CACNA2D4: variants seen among roughly 807,000 people sequenced by gnomAD.
CACNA2D4 encodes the protein voltage-dependent calcium channel subunit alpha-2/delta-4.
In CACNA2D4, 157 loss-of-function variants were observed where a neutral mutation model predicts 163.8. The observed-to-expected ratio is 0.96, with a 90% CI of 0.84 to 1.09. The LOEUF (loss-of-function observed/expected upper bound fraction) is 1.09. CACNA2D4 is among the 50% of genes least tolerant of loss of function. The pLI is 0.00. For synonymous variants in CACNA2D4, 598 were observed against 586.9 expected (o/e 1.02, Z -0.27); for missense variants, 1,410 against 1,479.9 (o/e 0.95, Z 0.78).
Position 1,795,699 on chromosome 12 carries a change from T to C in CACNA2D4, c.3195A>G (p.Pro1065=). The change falls in exon 36 of 38, where the codon CCA becomes CCG. Residue 1065 remains proline (P), a synonymous_variant. Transcript: ENST00000382722. ...CTTCTGTCGCCTCCTGCAGCACTGGTGGGAAGATGCTGCAGTCACAGGTGG... is the reference window on the plus strand; with the variant it reads ...CTTCTGTCGCCTCCTGCAGCACTGGCGGGAAGATGCTGCAGTCACAGGTGG... The part of the protein sequence containing the change: ...TDPTCDCSIF[P]PVLQEATEVK... 1.2e-6 allele frequency: 2 copies of C among 1,611,780 alleles called. No homozygotes were observed.
intron 6 of CACNA2D4, among the ~76,000 whole-genome samples, chr12:1,900,961 C>G (rs1198572519): frequency 1.3e-5 from 2 of 152,098 alleles, no homozygotes; most frequent in East Asian, 3.8e-4. Context: ...GAAAATAAGT[C>G]TTAAAACATT....
At chr12:1,838,088 G>A (rs56852539) in intron 26 of CACNA2D4, among the ~76,000 whole-genome samples, 6,029 of 152,242 alleles carry the variant, frequency 0.04, 385 homozygotes, top group African/African-American at 0.13. Context: ...CTCATTCCTC[G>A]CCTAGGGCCT....
intron 36 of CACNA2D4, 76 bp from the exon 37 acceptor site, chr12:1,795,457 C>T (rs955817479): frequency 3.6e-6 from 5 of 1,396,824 alleles, no homozygotes; most frequent in African/African-American, 1.4e-5. Context: ...TCTGGAAGAA[C>T]CTGCTCTGGT....
At chr12:1,914,964 A>C (rs1269088453) in intron 1 of CACNA2D4, 29 bp from the exon 2 acceptor site, 3 of 1,462,896 alleles carry the variant, frequency 2.1e-6, no homozygotes. Flanking sequence ...ACACGCGTAT[A>C]CACACACGTA....
chr12:1,818,100 C>T (rs1212668327), intron 26 of CACNA2D4, among the ~76,000 whole-genome samples: 2 of 147,580 alleles, frequency 1.4e-5, no homozygotes, highest in South Asian at 2.1e-4. Flanking sequence ...CCCACCGCCC[C>T]GTCTGGGATG....
chr12:1,830,913 C>T, intron 26 of CACNA2D4: 3 of 1,569,992 alleles, frequency 1.9e-6, no homozygotes, highest in South Asian at 1.2e-5. Context: ...CTTTCTTTCC[C>T]CCGTCTGTCC....
At chr12:1,808,956 G>T (rs1216677119) in intron 29 of CACNA2D4, among the ~76,000 whole-genome samples, 1 of 152,196 alleles carries the variant, frequency 6.6e-6, no homozygotes, top group Non-Finnish European at 1.5e-5. Flanking sequence ...AGGTGACCGT[G>T]ATGCTCAATT....
At chr12:1,842,134 A>G (rs1317907517) in intron 25 of CACNA2D4, among the ~76,000 whole-genome samples, 2 of 152,172 alleles carry the variant, frequency 1.3e-5, no homozygotes, top group Non-Finnish European at 2.9e-5. Context: ...GTCTCTGGGG[A>G]CATCAGGGAT....
chr12:1,844,334 A>T lies in CACNA2D4; in HGVS notation c.2470+68T>A. 6.4e-7 allele frequency: 1 copy of T among 1,564,756 alleles called. No homozygotes were observed. Among genetic ancestry groups the T allele is most frequent in the South Asian group, 1.2e-5 (1 of 86,314 alleles). ...CTCGTTCCCATTTCCCACTAAGAGC[A>T]CAGCAGGAGGAGAGATGAGACTGGC... On this transcript the variant is annotated intron_variant, in intron 25 of 37. Coordinates refer to ENST00000382722, the MANE Select transcript of CACNA2D4 (RefSeq NM_172364.5). This position sits in a 1 kb window ranked among gnomAD's most constrained non-coding sequence, Gnocchi z 4.2.
rs1592726684 is a variant in CACNA2D4 at position 1,875,365 on chromosome 12, C to T, written c.1720-28G>A. The T allele has an allele frequency of 2.7e-6, 4 of 1,458,212 alleles. No homozygotes were observed. The highest frequency in any genetic ancestry group is 3.9e-6 in the Non-Finnish European group (4 of 1,038,014). The allele number at this position is 1,458,212 out of a possible 1,614,324, so 90.3% of individuals were successfully genotyped here. A position where few individuals can be genotyped will look rare whatever the true frequency, so the allele number is the denominator to read the frequency against. Reference sequence around the variant, plus strand: ...GGAGTGGGCAGGTCAGGAAGAAAAACATGTGGTCAGTATACGTCCTGCTCA... The same window carrying T: ...GGAGTGGGCAGGTCAGGAAGAAAAATATGTGGTCAGTATACGTCCTGCTCA... On this transcript the variant is annotated intron_variant, in intron 16 of 37. Transcript: ENST00000382722. This position sits in a 1 kb window ranked among gnomAD's most constrained non-coding sequence, Gnocchi z 4.0.
Position 1,829,693 on chromosome 12 carries a change from G to A in CACNA2D4, c.2551+11046C>T, listed in dbSNP as rs1864529982. Among the ~76,000 whole-genome samples the A allele has an allele frequency of 1.4e-5, 2 of 146,040 alleles. No individual in the cohort carries two copies. Among genetic ancestry groups the A allele is most frequent in the South Asian group, 2.4e-4 (1 of 4,160 alleles). ...TTCAGACCCAGCTCACAGCCCATCG[G>A]CCCACCCCGACCTGGGACAGCCAGG... On this transcript the variant is annotated intron_variant, in intron 26 of 37. Coordinates refer to ENST00000382722, the MANE Select transcript of CACNA2D4 (RefSeq NM_172364.5). This position sits in a 1 kb window ranked among gnomAD's most constrained non-coding sequence, Gnocchi z 4.2.
At chr12:1,794,878 C>T (rs547945455) in intron 37 of CACNA2D4, among the ~76,000 whole-genome samples, 16 of 152,258 alleles carry the variant, frequency 1.1e-4, no homozygotes, top group African/African-American at 3.9e-4. Flanking sequence ...AAGTCCCAAC[C>T]CTCTAATCCT....
intron 1 of CACNA2D4, 47 bp from the exon 2 acceptor site, chr12:1,914,982 A>G (rs1414168919): frequency 7.3e-7 from 1 of 1,367,468 alleles, no homozygotes; most frequent in Non-Finnish European, 1.0e-6. Context: ...GTACACGCAC[A>G]AATACAGAAA....
rs550017158 is a variant in CACNA2D4 at position 1,883,004 on chromosome 12, C to T, written c.1352-4G>A. ...GTTGAGATCTGCGTGTAGTAGCCTG[C>T]GGTGGGGAAGGCCGCGTGGGTGTGG... On this transcript the variant is annotated splice_polypyrimidine_tract_variant and splice_region_variant and intron_variant, in intron 12 of 37. Coordinates refer to ENST00000382722, the MANE Select transcript of CACNA2D4 (RefSeq NM_172364.5). The surrounding 1 kb of genome is among the most constrained non-coding windows in gnomAD (Gnocchi z 4.5). 52 of 1,611,640 alleles carry T rather than the reference C, an allele frequency of 3.2e-5. No homozygotes were observed. The South Asian group carries it at 5.3e-4, about 16-fold the overall frequency.
In CACNA2D4 at chr12:1,793,702, G is replaced by A. The variant is rs776654456; in HGVS notation, c.3367C>T (p.Leu1123=). The A allele has an allele frequency of 2.5e-6, 4 of 1,613,754 alleles. No individual in the cohort carries two copies. The East Asian group carries it at 8.9e-5, about 36-fold the overall frequency. Residue 1123 remains leucine (L), a synonymous_variant, in exon 38 of 38, where the codon CTG becomes TTG. Coordinates refer to ENST00000382722, the MANE Select transcript of CACNA2D4 (RefSeq NM_172364.5). ...AGCCCCCAGGCACACACAGGCAGCA[G>A]GAGTAGGGGCGGCGAGGCTGAGGTG... ...SDTSASPPLL[L]LPVCAWGLLP...
intron 18 of CACNA2D4, among the ~76,000 whole-genome samples, chr12:1,863,909 AAT>A (rs1491280976): frequency 7.7e-6 from 1 of 129,328 alleles, no homozygotes; most frequent in African/African-American, 3.3e-5. Context: ...AAAAAAAAAA[AAT>A]AATAACACCC....
rs1202528402 is a variant in CACNA2D4, at chr12:1,875,498, T to A, written c.1720-161A>T. Among the ~76,000 whole-genome samples, 1 of 152,200 alleles carries A rather than the reference T, an allele frequency of 6.6e-6. No individual in the cohort carries two copies. Among genetic ancestry groups the A allele is most frequent in the Non-Finnish European group, 1.5e-5 (1 of 68,024 alleles). On this transcript the variant is annotated intron_variant, in intron 16 of 37. Transcript: ENST00000382722. This position sits in a 1 kb window ranked among gnomAD's most constrained non-coding sequence, Gnocchi z 4.0. Reference sequence around the variant, plus strand: ...TAAGGTTATCTGGGCAAATTCCACCTGATACAGAGCTCCCCTTACTGACAT... The same window carrying A: ...TAAGGTTATCTGGGCAAATTCCACCAGATACAGAGCTCCCCTTACTGACAT...
At chr12:1,851,232 T>G (rs76922035) in intron 23 of CACNA2D4, among the ~76,000 whole-genome samples, 1 of 152,250 alleles carries the variant, frequency 6.6e-6, no homozygotes, top group African/African-American at 2.4e-5. Context: ...CCTTTATTGC[T>G]TCTGAATTTT....
At chr12:1,907,705 G>C in intron 5 of CACNA2D4, 134 bp from the exon 6 acceptor site, 2 of 1,193,426 alleles carry the variant, frequency 1.7e-6, no homozygotes, top group Non-Finnish European at 2.4e-6. Flanking sequence ...TGCCTGGTGG[G>C]CGTGTCTGGT....
Sources: gnomAD v4.1 joint callset for allele counts (sites outside exome capture counted in the v4.1 genomes callset) on GRCh38, gnomAD v4.1.1 for gene constraint, Gnocchi (gnomAD v3.1) non-coding constraint, MANE v1.5 for transcripts, NCBI Gene and HGNC (gene_info 2026-07-23, HGNC 2026-07-21) for gene names.